Variants in GLIS3 observed in about 807,000 individuals in gnomAD.
GLIS3 encodes the protein zinc finger protein GLIS3.
In GLIS3, 53 loss-of-function variants were observed where a neutral mutation model predicts 78.6. The ratio of observed to expected loss-of-function variants is 0.67; its 90% CI spans 0.54 to 0.85. The LOEUF (loss-of-function observed/expected upper bound fraction) is 0.85. Ranked by LOEUF, GLIS3 falls within the 40% of genes least tolerant of loss-of-function variation. The probability of loss-of-function intolerance (pLI) is 0.00; values close to 1 mark genes in which losing one functional copy is unlikely to be tolerated. For missense variants in GLIS3, 1,703 were observed against 1,231.1 expected (o/e 1.38, Z -5.74); for synonymous variants, 684 against 509.9 (o/e 1.34, Z -4.60).
chr9:4,357,491 T>C, the GLIS3 span, among the ~76,000 whole-genome samples: 1 of 152,106 alleles, frequency 6.6e-6, no homozygotes, highest in African/African-American at 2.4e-5. Flanking sequence ...CCATAAACTC[T>C]CCTGGGTTTC....
chr9:3,950,233 T>C (rs1816586603), intron 4 of GLIS3, among the ~76,000 whole-genome samples: 1 of 152,234 alleles, frequency 6.6e-6, no homozygotes, highest in African/African-American at 2.4e-5. Context: ...TCTACTTCAG[T>C]GATCTCCTAA....
At chr9:3,967,251 C>G (rs1818024903) in intron 4 of GLIS3, among the ~76,000 whole-genome samples, 1 of 152,128 alleles carries the variant, frequency 6.6e-6, no homozygotes, top group African/African-American at 2.4e-5. Context: ...TGCCTGTAAT[C>G]CCAGCACTTT....
chr9:4,385,485 A>G, the GLIS3 span, among the ~76,000 whole-genome samples: 3 of 152,010 alleles, frequency 2.0e-5, no homozygotes, highest in Non-Finnish European at 4.4e-5. Context: ...CCAACATGGC[A>G]TAACCCTGTC....
chr9:4,389,020 C>G, the GLIS3 span, among the ~76,000 whole-genome samples: 15 of 152,086 alleles, frequency 9.9e-5, no homozygotes, highest in African/African-American at 3.4e-4. Flanking sequence ...TATACAAAAT[C>G]AAAGCAAGAG....
intron 2 of GLIS3, among the ~76,000 whole-genome samples, chr9:4,158,027 G>A (rs546284020): frequency 1.2e-4 from 19 of 152,152 alleles, no homozygotes; most frequent in Admixed American, 3.9e-4. Flanking sequence ...GAATTGCCAT[G>A]GTTGCAGCAC....
chr9:4,165,942 G>C (rs1835855289), intron 2 of GLIS3, among the ~76,000 whole-genome samples: 1 of 152,208 alleles, frequency 6.6e-6, no homozygotes, highest in Non-Finnish European at 1.5e-5. Flanking sequence ...GTACTACTGT[G>C]CTTGCAGACA....
intron 4 of GLIS3, among the ~76,000 whole-genome samples, chr9:4,077,242 T>C (rs962009324): frequency 7.2e-5 from 11 of 152,194 alleles, no homozygotes; most frequent in Admixed American, 7.2e-4. Context: ...CAGACAAAAA[T>C]TTATAAAGAT....
chr9:4,277,089 T>C (rs1191309425), intron 2 of GLIS3, among the ~76,000 whole-genome samples: 1 of 152,138 alleles, frequency 6.6e-6, no homozygotes, highest in African/African-American at 2.4e-5. Flanking sequence ...TAACTGCATC[T>C]CTTCAAAATT....
chr9:4,249,063 G>C (rs1336904024), intron 2 of GLIS3, among the ~76,000 whole-genome samples: 2 of 152,178 alleles, frequency 1.3e-5, no homozygotes, highest in South Asian at 2.1e-4. Context: ...CAGGTAGCAT[G>C]ATGTCTCCAG....
intron 4 of GLIS3, among the ~76,000 whole-genome samples, chr9:4,026,917 C>T (rs1019858212): frequency 3.9e-5 from 6 of 152,136 alleles, no homozygotes; most frequent in Non-Finnish European, 5.9e-5. Context: ...ATAAAACTTA[C>T]ACACCTGAGA....
chr9:4,285,995 A>G, intron 2 of GLIS3, 43 bp downstream of exon 2: 2 of 1,612,910 alleles, frequency 1.2e-6, no homozygotes, highest in Non-Finnish European at 8.5e-7. Context: ...GGGGAGAAAA[A>G]AATCGTTTCC....
chr9:4,353,507 C>T, the GLIS3 span, among the ~76,000 whole-genome samples: 3 of 152,180 alleles, frequency 2.0e-5, no homozygotes, highest in East Asian at 1.9e-4. Context: ...ATGAGTAAGG[C>T]ATTTCCAGAA....
intron 2 of GLIS3, among the ~76,000 whole-genome samples, chr9:4,181,916 G>C (rs1341322295): frequency 6.6e-6 from 1 of 152,170 alleles, no homozygotes; most frequent in African/African-American, 2.4e-5. Context: ...AGTTAGCCCA[G>C]ACCATAAGAA....
chr9:3,989,195 A>G (rs1313035186), intron 4 of GLIS3, among the ~76,000 whole-genome samples: 4 of 152,320 alleles, frequency 2.6e-5, no homozygotes, highest in African/African-American at 9.6e-5. Context: ...AACTACAATG[A>G]AATATTACTA....
chr9:4,298,412 T>A (rs1285600725), intron 1 of GLIS3: 1 of 456,104 alleles, frequency 2.2e-6, no homozygotes, highest in East Asian at 7.0e-5. Context: ...GGATGACAAA[T>A]CAGCCAGGGC....
chr9:4,027,068 TTCTC>T (rs1445257147), intron 4 of GLIS3, among the ~76,000 whole-genome samples: 3 of 152,192 alleles, frequency 2.0e-5, no homozygotes, highest in African/African-American at 7.2e-5. Context: ...TGCCCCATCT[TTCTC>T]TCAGCAATAA....
chr9:4,426,990 C>T, the GLIS3 span, among the ~76,000 whole-genome samples: 1 of 152,164 alleles, frequency 6.6e-6, no homozygotes. Context: ...GAGTAGAGCC[C>T]ATGTCTTAGT....
chr9:3,900,270 C>T (rs569555431), intron 6 of GLIS3, among the ~76,000 whole-genome samples: 10 of 149,384 alleles, frequency 6.7e-5, no homozygotes, highest in Admixed American at 4.0e-4. Context: ...AATGTTAAAA[C>T]GTCTTTTTAC....
At chr9:4,144,316 G>A (rs1351240379) in intron 2 of GLIS3, among the ~76,000 whole-genome samples, 1 of 152,144 alleles carries the variant, frequency 6.6e-6, no homozygotes, top group African/African-American at 2.4e-5. Context: ...TTTTACCTCA[G>A]AAACTTGGCA....
Sources: allele counts gnomAD v4.1 joint callset (sites outside exome capture counted in the v4.1 genomes callset), GRCh38; gene constraint gnomAD v4.1.1; transcripts MANE v1.5; gene names NCBI Gene and HGNC (gene_info 2026-07-23, HGNC 2026-07-21).